CFAP92: variants seen among roughly 807,000 people sequenced by gnomAD.
CFAP92 encodes the protein cilia and flagella associated protein 92 (putative), also known as uncharacterized protein CFAP92.
Under a neutral mutation model 106.3 loss-of-function variants are expected in CFAP92, and 86 were observed. The ratio of observed to expected loss-of-function variants is 0.81; its 90% CI spans 0.68 to 0.97. The LOEUF (loss-of-function observed/expected upper bound fraction) is 0.97. CFAP92 is among the 50% of genes least tolerant of loss of function. The probability of loss-of-function intolerance (pLI) is 0.00; values close to 1 mark genes in which losing one functional copy is unlikely to be tolerated. For missense variants in CFAP92, 1,204 were observed against 1,283.8 expected (o/e 0.94, Z 0.95); for synonymous variants, 477 against 506.4 (o/e 0.94, Z 0.78).
chr3:128,946,475 C>T (rs752419183), intron 9 of CFAP92, among the ~76,000 whole-genome samples: 7 of 152,066 alleles, frequency 4.6e-5, no homozygotes, highest in Admixed American at 6.5e-5. Flanking sequence ...TCAGAGAGCA[C>T]GGAGAACAGG....
At chr3:128,956,526 A>G (rs1413855786) in intron 9 of CFAP92, among the ~76,000 whole-genome samples, 1 of 152,206 alleles carries the variant, frequency 6.6e-6, no homozygotes, top group African/African-American at 2.4e-5. Flanking sequence ...TCATAGTCAA[A>G]CTTCTGTAAA....
intron 15 of CFAP92, chr3:128,912,703 C>T: frequency 8.7e-7 from 1 of 1,148,468 alleles, no homozygotes; most frequent in Non-Finnish European, 1.3e-6. Flanking sequence ...GGGATTATCA[C>T]AGGTTAAGCC....
At chr3:128,926,570 G>A (rs1937668886) in intron 12 of CFAP92, among the ~76,000 whole-genome samples, 1 of 152,142 alleles carries the variant, frequency 6.6e-6, no homozygotes, top group Non-Finnish European at 1.5e-5. Context: ...CTTCAACACT[G>A]CACTTCTTTA....
At chr3:128,971,231 C>T (rs755458864) in intron 8 of CFAP92, 56 bp downstream of exon 8, 2 of 1,611,396 alleles carry the variant, frequency 1.2e-6, no homozygotes, top group African/African-American at 1.3e-5. Flanking sequence ...CCGCTTATGG[C>T]CGTTCTGGCC....
At chr3:129,017,401 G>A in the CFAP92 span, among the ~76,000 whole-genome samples, 1 of 152,196 alleles carries the variant, frequency 6.6e-6, no homozygotes, top group Non-Finnish European at 1.5e-5. Flanking sequence ...TCATAATTCC[G>A]TAGGCCGGAA....
chr3:128,915,234 A>G lies in CFAP92; in HGVS notation c.3165T>C (p.Pro1055=), dbSNP rs1180656376. 6.5e-7 allele frequency: 1 copy of G among 1,536,134 alleles called. No homozygotes were observed. The highest frequency in any genetic ancestry group is 2.0e-5 in the Admixed American group (1 of 51,002). ...ENSLFANVLE[P]VLDRDRWSWD... Reference sequence around the variant, plus strand: ...AGCTCCACCTGTCTCGATCCAACACAGGCTCCAGTACATTAGCAAACAGGG... The same window carrying G: ...AGCTCCACCTGTCTCGATCCAACACGGGCTCCAGTACATTAGCAAACAGGG... Residue 1055 remains proline (P), a synonymous_variant, in exon 15 of 16, where the codon CCT becomes CCC. Coordinates refer to ENST00000645291, the MANE Select transcript of CFAP92 (RefSeq NM_001394090.1).
chr3:129,020,626 C>T, the CFAP92 span, among the ~76,000 whole-genome samples: 1 of 152,090 alleles, frequency 6.6e-6, no homozygotes, highest in Non-Finnish European at 1.5e-5. Flanking sequence ...AACAGAGTAA[C>T]ACCCTGTCTC....
At position 128,964,327 on chromosome 3, in the gene CFAP92, C is replaced by T. The variant is rs182755448; in HGVS notation, c.1353+1184G>A. On this transcript the variant is annotated intron_variant, in intron 9 of 15. Transcript: ENST00000645291. ...CATTTAAGCTCCTGTGTAGATGCTC[C>T]TTTTTATTAGGCCCCAGTCTCATTT... 4.8e-3 allele frequency among the ~76,000 whole-genome samples: 729 copies of T among 151,822 alleles called. 6 individuals carry two copies. Among genetic ancestry groups the T allele is most frequent in the African/African-American group, 0.017 (694 of 41,372 alleles).
the CFAP92 span, among the ~76,000 whole-genome samples, chr3:129,013,789 G>A: frequency 6.6e-6 from 1 of 152,240 alleles, no homozygotes; most frequent in African/African-American, 2.4e-5. Flanking sequence ...TGGGCCAAGA[G>A]AAATGGAGGA....
chr3:128,973,650 C>G (rs1303152712), intron 7 of CFAP92, among the ~76,000 whole-genome samples: 1 of 140,252 alleles, frequency 7.1e-6, no homozygotes, highest in Non-Finnish European at 1.5e-5. Context: ...GAGCAGAACT[C>G]TGTCTCAAGA....
rs1179791466 is a variant in CFAP92 at position 128,960,789 on chromosome 3, G to A, written c.1353+4722C>T. Among the ~76,000 whole-genome samples, 4 of 151,404 alleles carry A rather than the reference G, an allele frequency of 2.6e-5. No individual in the cohort carries two copies. In the South Asian group the frequency reaches 8.4e-4, roughly 32 times the overall value. On this transcript the variant is annotated intron_variant, in intron 9 of 15. Transcript: ENST00000645291. ...GCAAGTCCCGCTTTCCTGGGGCAGG[G>A]GCAAGTACCCCTCAACCCCTTCTCC...
intron 10 of CFAP92, among the ~76,000 whole-genome samples, chr3:128,935,588 T>C (rs1028423043): frequency 3.9e-5 from 6 of 152,146 alleles, no homozygotes; most frequent in African/African-American, 1.4e-4. Context: ...GGCACATGTC[T>C]GTAATCCCAG....
chr3:129,008,606 C>T, the CFAP92 span, among the ~76,000 whole-genome samples: 2 of 151,848 alleles, frequency 1.3e-5, no homozygotes, highest in Non-Finnish European at 2.9e-5. Flanking sequence ...ATCCCCGTGC[C>T]ACAATCCTTG....
intron 8 of CFAP92, chr3:128,970,591 C>A (rs1942719363): frequency 6.6e-6 from 1 of 152,148 alleles, no homozygotes; most frequent in African/African-American, 2.4e-5. Flanking sequence ...ATATGCTGAG[C>A]TTTCAATCAT....
intron 12 of CFAP92, among the ~76,000 whole-genome samples, chr3:128,925,272 T>G (rs1937573369): frequency 6.6e-6 from 1 of 152,186 alleles, no homozygotes; most frequent in Non-Finnish European, 1.5e-5. Flanking sequence ...ACATGCAACC[T>G]AGAACCCTTG....
chr3:129,025,927 C>T, the CFAP92 span, among the ~76,000 whole-genome samples: 1 of 152,232 alleles, frequency 6.6e-6, no homozygotes, highest in South Asian at 2.1e-4. Context: ...CGGGTCATTC[C>T]AGAGCCTGCC....
rs1383987712 is a variant in CFAP92, at chr3:128,964,056, CAGTTT to C, written c.1353+1450_1353+1454del. ...TTCCCTTCTGTCAGACATAATTCCT[CAGTTT>C]AGCCTTCCCACCTCTATACAGTCTG... On this transcript the variant is annotated intron_variant, in intron 9 of 15. Coordinates refer to ENST00000645291, the MANE Select transcript of CFAP92 (RefSeq NM_001394090.1). Among the ~76,000 whole-genome samples the C allele has an allele frequency of 1.1e-3, 162 of 152,308 alleles. 3 individuals carry two copies. Among genetic ancestry groups the C allele is most frequent in the Non-Finnish European group, 1.6e-4 (11 of 68,022 alleles).
At chr3:128,956,207 T>TAAAAAAAAAA (rs1256391409) in intron 9 of CFAP92, among the ~76,000 whole-genome samples, 3 of 53,220 alleles carry the variant, frequency 5.6e-5, no homozygotes, top group African/African-American at 1.4e-4. Context: ...AAAAAAAAAA[T>TAAAAAAAAAA]AAAAAAATAA....
chr3:129,003,615 G>C (rs1229090666), upstream of CFAP92, among the ~76,000 whole-genome samples: 2 of 152,220 alleles, frequency 1.3e-5, no homozygotes, highest in African/African-American at 2.4e-5. Context: ...GATGTGGCGA[G>C]GGTTAAAGGA....
Sources: gnomAD v4.1 joint callset for allele counts (sites outside exome capture counted in the v4.1 genomes callset) on GRCh38, gnomAD v4.1.1 for gene constraint, MANE v1.5 for transcripts, NCBI Gene and HGNC (gene_info 2026-07-23, HGNC 2026-07-21) for gene names.